Variants in KCNH5 observed in about 807,000 individuals in gnomAD.
KCNH5 encodes voltage-gated delayed rectifier potassium channel KCNH5.
A neutral mutation model predicts 96.1 loss-of-function variants in KCNH5; 46 were observed. The ratio of observed to expected loss-of-function variants is 0.48; its 90% CI spans 0.38 to 0.61. The LOEUF is 0.61. KCNH5 is among the 20% of genes least tolerant of loss of function. The probability of loss-of-function intolerance (pLI) is 0.00; values close to 1 mark genes in which losing one functional copy is unlikely to be tolerated. For synonymous variants in KCNH5, 439 were observed against 449.8 expected, an observed-to-expected ratio of 0.98 and a Z score of 0.30; for missense variants, 907 against 1,225.8, an observed-to-expected ratio of 0.74 and a Z score of 3.88.
intron 1 of KCNH5, among the ~76,000 whole-genome samples, chr14:63,043,865 T>A (rs1774934790): frequency 6.6e-6 from 1 of 152,218 alleles, no homozygotes; most frequent in South Asian, 2.1e-4. Flanking sequence ...ATTTAATTAT[T>A]TGATATTTCA....
intron 4 of KCNH5, among the ~76,000 whole-genome samples, chr14:62,993,252 G>C (rs544469141): frequency 6.6e-6 from 1 of 152,120 alleles, no homozygotes; most frequent in South Asian, 2.1e-4. Flanking sequence ...GTAATGTGAT[G>C]TCTTCAGCTT....
chr14:62,992,798 G>C (rs1246068721), intron 4 of KCNH5, among the ~76,000 whole-genome samples: 1 of 151,988 alleles, frequency 6.6e-6, no homozygotes, highest in Non-Finnish European at 1.5e-5. Context: ...TTCTTTTGCT[G>C]TATAGAAGCT....
intron 7 of KCNH5, among the ~76,000 whole-genome samples, chr14:62,921,365 T>C (rs1269898773): frequency 6.6e-6 from 1 of 152,168 alleles, no homozygotes; most frequent in Non-Finnish European, 1.5e-5. Flanking sequence ...GTATGATTTA[T>C]GTTTTCATGA....
At chr14:62,846,100 G>C (rs1020456870) in intron 8 of KCNH5, among the ~76,000 whole-genome samples, 3 of 152,096 alleles carry the variant, frequency 2.0e-5, no homozygotes, top group Non-Finnish European at 2.9e-5. Flanking sequence ...CATCATCTTT[G>C]ACCATTTACC....
intron 9 of KCNH5, among the ~76,000 whole-genome samples, chr14:62,782,501 G>A (rs1886239365): frequency 6.6e-6 from 1 of 152,164 alleles, no homozygotes; most frequent in South Asian, 2.1e-4. Context: ...ATTTGGCCAA[G>A]GAAGGGAGAT....
chr14:62,846,146 GT>G (rs1256436293), intron 8 of KCNH5, among the ~76,000 whole-genome samples: 4 of 151,894 alleles, frequency 2.6e-5, no homozygotes, highest in Admixed American at 6.6e-5. Context: ...TTGTTTGTTT[GT>G]TTTTTTAAGT....
At position 62,992,358 on chromosome 14, in the gene KCNH5, G is replaced by A. The variant is rs555823519; in HGVS notation, c.434-5171C>T. On this transcript the variant is annotated intron_variant, in intron 4 of 10. Transcript: ENST00000322893. ...TACATATCCAGTAGCAGGACTGCCA[G>A]ATCAAATGGTAGTTCTATTTTTAGT... 3.3e-5 allele frequency among the ~76,000 whole-genome samples: 5 copies of A among 152,200 alleles called. No individual in the cohort carries two copies. In the South Asian group the frequency reaches 1.0e-3, roughly 32 times the overall value.
At chr14:62,987,050 G>T in intron 5 of KCNH5, 22 bp downstream of exon 5, 1 of 1,537,880 alleles carries the variant, frequency 6.5e-7, no homozygotes, top group Non-Finnish European at 9.0e-7. Context: ...ATCTTGGGAA[G>T]CAAAATTCAT....
rs1033269356 is a variant in KCNH5 at position 62,706,253 on chromosome 14, T to C, written c.*1255A>G. 8 of 152,132 alleles carry C rather than the reference T, an allele frequency of 5.3e-5. No homozygotes were observed. The highest frequency in any genetic ancestry group is 1.7e-4 in the African/African-American group (7 of 41,454). 9.4% of individuals were successfully genotyped at this position (152,132 alleles called of 1,614,324 possible). On this transcript the variant is annotated 3_prime_UTR_variant, in exon 11 of 11. Coordinates refer to ENST00000322893, the MANE Select transcript of KCNH5 (RefSeq NM_139318.5). ...GACCTGCCTGAGCCACAATAGCTTATTGAATCAACTCAGCAGAAGTCCAGC... is the reference window on the plus strand; with the variant it reads ...GACCTGCCTGAGCCACAATAGCTTACTGAATCAACTCAGCAGAAGTCCAGC...
Position 62,981,048 on chromosome 14 carries a change from C to G in KCNH5, c.766G>C (p.Val256Leu). 6.2e-7 allele frequency: 1 copy of G among 1,614,146 alleles called. No homozygotes were observed. Among genetic ancestry groups the G allele is most frequent in the Non-Finnish European group, 8.5e-7 (1 of 1,180,012 alleles). The stretch of plus-strand genomic sequence containing the variant: ...AAAACGATGTCAACCAGAAAAATAA[C>G]GTCCACCACACTATCCAGTACCAGC... ...AWLVLDSVVD[V>L]IFLVDIVLNF... Residue 256 changes from valine (V) to leucine (L), a missense_variant, in exon 6 of 11, where the codon GTT becomes CTT. This residue lies in a region of KCNH5 where 370 missense variants were observed against 561.3 expected (regional missense o/e 0.66). Transcript: ENST00000322893.
At chr14:62,914,107 G>A (rs534578333) in intron 7 of KCNH5, among the ~76,000 whole-genome samples, 2 of 152,198 alleles carry the variant, frequency 1.3e-5, no homozygotes, top group South Asian at 4.1e-4. Context: ...ATACATCAAA[G>A]ATTATTACAA....
chr14:62,912,659 G>C (rs1363416135), intron 7 of KCNH5, among the ~76,000 whole-genome samples: 1 of 152,088 alleles, frequency 6.6e-6, no homozygotes, highest in East Asian at 1.9e-4. Context: ...GCCAGCCTCG[G>C]CCTCCCAAAG....
intron 7 of KCNH5, among the ~76,000 whole-genome samples, chr14:62,853,912 C>A (rs1392512817): frequency 6.7e-6 from 1 of 149,988 alleles, no homozygotes; most frequent in Non-Finnish European, 1.5e-5. Flanking sequence ...GGGGCTGAGG[C>A]AGGAGAATCG....
At chr14:62,713,128 A>C (rs1001921321) in intron 10 of KCNH5, among the ~76,000 whole-genome samples, 3 of 152,190 alleles carry the variant, frequency 2.0e-5, no homozygotes, top group Non-Finnish European at 4.4e-5. Context: ...TGTAATAAAC[A>C]AATGTTATGC....
At chr14:62,884,308 T>C (rs1191306535) in intron 7 of KCNH5, among the ~76,000 whole-genome samples, 1 of 152,150 alleles carries the variant, frequency 6.6e-6, no homozygotes, top group Non-Finnish European at 1.5e-5. Context: ...AAATGAAAAT[T>C]ACTACAACAA....
intron 5 of KCNH5, among the ~76,000 whole-genome samples, chr14:62,984,742 A>G (rs975066840): frequency 4.6e-5 from 7 of 152,134 alleles, no homozygotes; most frequent in African/African-American, 1.7e-4. Flanking sequence ...AAAGAAACTA[A>G]CACTAATCAC....
chr14:63,003,420 T>C, intron 3 of KCNH5, among the ~76,000 whole-genome samples: 1 of 141,676 alleles, frequency 7.1e-6, no homozygotes, highest in East Asian at 2.0e-4. Context: ...GTTCTGCATT[T>C]GAGTACACAG....
At chr14:62,780,367 A>G (rs978325733) in intron 9 of KCNH5, among the ~76,000 whole-genome samples, 1 of 152,268 alleles carries the variant, frequency 6.6e-6, no homozygotes. Flanking sequence ...TATTAAATAC[A>G]CATTATTCAG....
chr14:62,925,305 A>C (rs1348338770), intron 7 of KCNH5, among the ~76,000 whole-genome samples: 2 of 152,036 alleles, frequency 1.3e-5, no homozygotes, highest in Non-Finnish European at 2.9e-5. Context: ...TTTTAAAATG[A>C]AAATAAACTA....
Sources: gnomAD v4.1 joint callset for allele counts (sites outside exome capture counted in the v4.1 genomes callset) on GRCh38, gnomAD v4.1.1 for gene constraint, gnomAD v4.1.1 regional missense constraint, MANE v1.5 for transcripts, NCBI Gene and HGNC (gene_info 2026-07-23, HGNC 2026-07-21) for gene names.